CHID1: variants seen among roughly 807,000 people sequenced by gnomAD.
CHID1 encodes chitinase domain containing 1.
CHID1 carries 44 observed loss-of-function variants against 55.4 expected under a neutral mutation model. The ratio of observed to expected loss-of-function variants is 0.79; its 90% confidence interval spans 0.62 to 1.02. The LOEUF is 1.02. Ranked by LOEUF, CHID1 falls within the 50% of genes least tolerant of loss-of-function variation. CHID1 has a pLI of 0.00. For missense variants in CHID1, 491 were observed against 515.3 expected, an observed-to-expected ratio of 0.95 and a Z score of 0.46; for synonymous variants, 216 against 212.9, an observed-to-expected ratio of 1.01 and a Z score of -0.13.
rs539516325 is a variant in CHID1, at chr11:886,400, C to T, written c.702-2231G>A. 4.2e-5 allele frequency among the ~76,000 whole-genome samples: 6 copies of T among 142,452 alleles called. No homozygotes were observed. The East Asian group carries it at 6.6e-4, about 16-fold the overall frequency. 93.5% of individuals were successfully genotyped at this position (142,452 alleles called of 152,430 possible). A position where few individuals can be genotyped will look rare whatever the true frequency, so the allele number is the denominator to read the frequency against. On this transcript the variant is annotated intron_variant, in intron 8 of 12. Coordinates refer to ENST00000323578, the MANE Select transcript of CHID1 (RefSeq NM_023947.4). Reference sequence around the variant, plus strand: ...CTTGAGCCCAGGAGGTGGAGGCTGCCGTGAGCCCTGATCATGCCACTGCAC... The same window carrying T: ...CTTGAGCCCAGGAGGTGGAGGCTGCTGTGAGCCCTGATCATGCCACTGCAC...
rs374656280 is a variant in CHID1, at chr11:904,715, C to G, written c.102G>C (p.Leu34=). ...SDAKKAASKT[L]LEKSQFSDKP... ...CCCAGGCCACCCTTACCTTCTCCAG[C>G]AGCGTCTTTGAGGCGGCTTTTTTGG... The change falls in exon 2 of 13, where the codon CTG becomes CTC. Residue 34 remains leucine, a synonymous_variant. Coordinates refer to ENST00000323578, the MANE Select transcript of CHID1 (RefSeq NM_023947.4). 1.9e-6 allele frequency: 3 copies of G among 1,614,042 alleles called. No individual in the cohort carries two copies. The highest frequency in any genetic ancestry group is 2.5e-6 in the Non-Finnish European group (3 of 1,180,036).
At chr11:872,747 G>A (rs897082569) in intron 10 of CHID1, among the ~76,000 whole-genome samples, 2 of 152,246 alleles carry the variant, frequency 1.3e-5, no homozygotes, top group Admixed American at 6.5e-5. Flanking sequence ...ATATCTGCTG[G>A]GTGGCTCTGT....
chr11:892,413 G>T (rs1001199987), intron 8 of CHID1, among the ~76,000 whole-genome samples: 2 of 152,232 alleles, frequency 1.3e-5, no homozygotes, highest in Non-Finnish European at 2.9e-5. Context: ...CAGGCAGAGG[G>T]AGTTCTGTCT....
rs1354218678 is a variant in CHID1 at position 880,397 on chromosome 11, G to A, written c.959+2751C>T. On this transcript the variant is annotated intron_variant, in intron 10 of 12. Coordinates refer to ENST00000323578, the MANE Select transcript of CHID1 (RefSeq NM_023947.4). ...CCAGGGCCAGAAGCCAGAGAACAGC[G>A]GGAGCCCAGGCCTGTGCTGGACCCC... is the stretch of plus-strand genomic sequence containing the variant. 9.2e-5 allele frequency among the ~76,000 whole-genome samples: 14 copies of A among 152,316 alleles called. No individual in the cohort carries two copies. In the East Asian group the frequency reaches 1.2e-3, roughly 13 times the overall value.
In CHID1 at chr11:903,112, C is replaced by G; in HGVS notation, c.112-1G>C. ...GCACCGGCTTATCTGAAAACTGACT[C>G]TGAAATAAAAGGAGTGAGAGAAAAG... On this transcript the variant is annotated splice_acceptor_variant, in intron 2 of 12. Transcript: ENST00000323578. LOFTEE classifies it high-confidence loss of function. 6.2e-7 allele frequency: 1 copy of G among 1,608,552 alleles called. No individual in the cohort carries two copies. Among genetic ancestry groups the G allele is most frequent in the Non-Finnish European group, 8.5e-7 (1 of 1,179,970 alleles).
Position 872,370 on chromosome 11 carries a change from C to A in CHID1, c.960-1871G>T, listed in dbSNP as rs527479786. ...ATGGAGTTTCTCCATGTTAGTCATGCTGGTCTTGAACTCCTGACCTCAAGT... is the reference window on the plus strand; with the variant it reads ...ATGGAGTTTCTCCATGTTAGTCATGATGGTCTTGAACTCCTGACCTCAAGT... On this transcript the variant is annotated intron_variant, in intron 10 of 12. Transcript: ENST00000323578. Among the ~76,000 whole-genome samples, 18 of 152,328 alleles carry A rather than the reference C, an allele frequency of 1.2e-4. No homozygotes were observed. In the South Asian group the frequency reaches 3.3e-3, roughly 28 times the overall value.
At chr11:901,978 G>A (rs1226717647) in intron 4 of CHID1, among the ~76,000 whole-genome samples, 3 of 151,812 alleles carry the variant, frequency 2.0e-5, no homozygotes, top group African/African-American at 4.8e-5. Flanking sequence ...TGTCCACACC[G>A]ACAGTCACAT....
chr11:913,744 G>T (rs1218951218), upstream of CHID1, among the ~76,000 whole-genome samples: 1 of 150,346 alleles, frequency 6.7e-6, no homozygotes, highest in Non-Finnish European at 1.5e-5. Context: ...CTGCACTCCA[G>T]CCTGGGCAAC....
At chr11:888,046 C>T (rs1429254497) in intron 8 of CHID1, among the ~76,000 whole-genome samples, 3 of 152,212 alleles carry the variant, frequency 2.0e-5, no homozygotes, top group African/African-American at 4.8e-5. Context: ...GGACATGGCT[C>T]CACACCACGC....
chr11:870,667 T>C, intron 10 of CHID1, 168 bp from the exon 11 acceptor site: 1 of 601,774 alleles, frequency 1.7e-6, no homozygotes, highest in Admixed American at 2.9e-5. Flanking sequence ...CCCCAGGCCG[T>C]GTGAACCCTG....
Position 873,595 on chromosome 11 carries a change from C to T in CHID1, c.960-3096G>A, listed in dbSNP as rs141531948. On this transcript the variant is annotated intron_variant, in intron 10 of 12. Transcript: ENST00000323578. Reference sequence around the variant, plus strand: ...CCCAAGGGAGGGACAAGCACATGGACGGGGAGGATGTAAGGAATAAGGACT... The same window carrying T: ...CCCAAGGGAGGGACAAGCACATGGATGGGGAGGATGTAAGGAATAAGGACT... 7.2e-5 allele frequency among the ~76,000 whole-genome samples: 11 copies of T among 151,994 alleles called. 1 individual carries two copies. The East Asian group carries it at 1.4e-3, about 19-fold the overall frequency.
intron 7 of CHID1, among the ~76,000 whole-genome samples, chr11:893,886 C>T (rs1851043765): frequency 6.6e-6 from 1 of 151,682 alleles, no homozygotes; most frequent in African/African-American, 2.4e-5. Context: ...AATCCCAGCA[C>T]CTTGGGAGGC....
intron 10 of CHID1, among the ~76,000 whole-genome samples, chr11:874,496 G>T (rs899054124): frequency 5.9e-5 from 9 of 152,124 alleles, no homozygotes; most frequent in African/African-American, 1.7e-4. Context: ...GTTCTGTCAC[G>T]AAGACTGGAA....
intron 2 of CHID1, chr11:903,801 C>T (rs1435847621): frequency 5.2e-6 from 1 of 193,710 alleles, no homozygotes; most frequent in African/African-American, 2.4e-5. Flanking sequence ...AAGAAAAGAA[C>T]ATGCCAGGCA....
chr11:908,828 C>T (rs957557353), intron 1 of CHID1, among the ~76,000 whole-genome samples: 6 of 152,236 alleles, frequency 3.9e-5, no homozygotes, highest in Admixed American at 2.0e-4. Context: ...CCTAGTGGCC[C>T]CTCTGCCTAT....
At chr11:902,376 C>A in intron 3 of CHID1, 46 bp from the exon 4 acceptor site, 1 of 1,594,796 alleles carries the variant, frequency 6.3e-7, no homozygotes. Context: ...TGAGTGAGCA[C>A]CTGTCTCACC....
intron 8 of CHID1, among the ~76,000 whole-genome samples, chr11:890,710 G>T (rs1469222692): frequency 2.0e-5 from 3 of 152,202 alleles, no homozygotes; most frequent in African/African-American, 4.8e-5. Context: ...GGCCTGTGGG[G>T]TTTACGCTGT....
chr11:909,889 G>A (rs1307358099), intron 1 of CHID1, among the ~76,000 whole-genome samples: 1 of 152,044 alleles, frequency 6.6e-6, no homozygotes, highest in Non-Finnish European at 1.5e-5. Flanking sequence ...ATGAAACCCA[G>A]TCTCTAAAAA....
intron 6 of CHID1, among the ~76,000 whole-genome samples, chr11:899,627 G>A (rs28545763): frequency 1.3e-5 from 2 of 152,206 alleles, no homozygotes; most frequent in African/African-American, 4.8e-5. Flanking sequence ...GCATTCTGCC[G>A]ACCCATGCAC....
Sources: gnomAD v4.1 joint callset for allele counts (sites outside exome capture counted in the v4.1 genomes callset) on GRCh38, gnomAD v4.1.1 for gene constraint, MANE v1.5 for transcripts, NCBI Gene and HGNC (gene_info 2026-07-23, HGNC 2026-07-21) for gene names.